Variants in IL1R1 observed in about 807,000 individuals in gnomAD.
IL1R1 encodes the protein interleukin-1 receptor type 1.
Under a neutral mutation model 50.2 loss-of-function variants are expected in IL1R1, and 22 were observed. The ratio of observed to expected loss-of-function variants is 0.44; its 90% confidence interval spans 0.31 to 0.63. IL1R1 has a LOEUF of 0.63. IL1R1 is among the 20% of genes least tolerant of loss of function. IL1R1 has a pLI of 0.07. For missense variants in IL1R1, 509 were observed against 676.2 expected (o/e 0.75, Z 2.74); for synonymous variants, 251 against 236.7 (o/e 1.06, Z -0.55).
chr2:102,141,476 A>G (rs36078571), upstream of IL1R1, among the ~76,000 whole-genome samples: 6,526 of 152,314 alleles, frequency 0.043, 175 homozygotes, highest in Middle Eastern at 0.13. Context: ...TCTCGAGGAA[A>G]AGGAACCATA....
intron 1 of IL1R1, among the ~76,000 whole-genome samples, chr2:102,124,251 A>G (rs1224648459): frequency 6.6e-6 from 1 of 151,754 alleles, no homozygotes; most frequent in African/African-American, 2.4e-5. Flanking sequence ...GTGAAACTCC[A>G]TCTCTACTAA....
At chr2:102,159,694 A>G (rs992183458) in intron 3 of IL1R1, among the ~76,000 whole-genome samples, 1 of 152,126 alleles carries the variant, frequency 6.6e-6, no homozygotes, top group African/African-American at 2.4e-5. Flanking sequence ...CCACCACCCT[A>G]TGAATGTGAC....
chr2:102,168,945 A>G (rs1685435681), intron 7 of IL1R1, among the ~76,000 whole-genome samples: 2 of 151,958 alleles, frequency 1.3e-5, no homozygotes, highest in Admixed American at 1.3e-4. Context: ...GGAACCAGCA[A>G]TGCCATTGAC....
chr2:102,176,901 T>G lies in IL1R1; in HGVS notation c.*142T>G, dbSNP rs1420712541. 4 of 802,120 alleles carry G rather than the reference T, an allele frequency of 5.0e-6. No individual in the cohort carries two copies. The highest frequency in any genetic ancestry group is 8.0e-6 in the Non-Finnish European group (4 of 501,356). The allele number at this position is 802,120 out of a possible 1,614,324, so 49.7% of individuals were successfully genotyped here. ...CCTGAGGTCACCTGGAATCAGATTA[T>G]TAAGGGAATAAGCCATGACGTCAAT... is the stretch of plus-strand genomic sequence containing the variant. On this transcript the variant is annotated 3_prime_UTR_variant, in exon 12 of 12. Coordinates refer to ENST00000410023, the MANE Select transcript of IL1R1 (RefSeq NM_000877.4).
In IL1R1 at chr2:102,107,479, C is replaced by T. The variant is rs183732237; in HGVS notation, c.-84+2607C>T. On this transcript the variant is annotated intron_variant, in intron 1 of 10. Coordinates refer to the IL1R1 transcript ENST00000409329. ...GACACAGGGTGGGGAACATCACACACCGGGGCCTGTTGTGGGGTGGGAGGA... is the reference window on the plus strand; with the variant it reads ...GACACAGGGTGGGGAACATCACACATCGGGGCCTGTTGTGGGGTGGGAGGA... 6.9e-3 allele frequency among the ~76,000 whole-genome samples: 1,043 copies of T among 151,360 alleles called. 9 individuals carry two copies. Among genetic ancestry groups the T allele is most frequent in the African/African-American group, 0.024 (970 of 41,152 alleles).
chr2:102,163,893 C>G (rs1684942253), intron 3 of IL1R1, among the ~76,000 whole-genome samples: 1 of 152,162 alleles, frequency 6.6e-6, no homozygotes, highest in Non-Finnish European at 1.5e-5. Context: ...CCTTTCGGGT[C>G]TTGCTTTTAA....
intron 1 of IL1R1, among the ~76,000 whole-genome samples, chr2:102,145,065 G>T (rs989844483): frequency 2.0e-5 from 3 of 152,210 alleles, no homozygotes; most frequent in Admixed American, 1.3e-4. Flanking sequence ...CTGGACAATT[G>T]CGGTGAAACT....
At chr2:102,097,412 C>T (rs1162555684) in intron 1 of IL1R1, among the ~76,000 whole-genome samples, 1 of 152,150 alleles carries the variant, frequency 6.6e-6, no homozygotes, top group Non-Finnish European at 1.5e-5. Context: ...TTCCTCTATT[C>T]TGTTCCTGGT....
chr2:102,162,992 C>A (rs1232706709), intron 3 of IL1R1, among the ~76,000 whole-genome samples: 4 of 151,654 alleles, frequency 2.6e-5, no homozygotes, highest in Non-Finnish European at 4.4e-5. Context: ...GTATTTTTTC[C>A]TAAATTTTAA....
chr2:102,161,669 CTTCT>C (rs1286245036), intron 3 of IL1R1, among the ~76,000 whole-genome samples: 1 of 152,024 alleles, frequency 6.6e-6, no homozygotes, highest in East Asian at 1.9e-4. Flanking sequence ...TGATTAATGA[CTTCT>C]TTATTTTTTT....
intron 1 of IL1R1, among the ~76,000 whole-genome samples, chr2:102,099,537 C>T (rs1050318282): frequency 6.6e-6 from 1 of 152,166 alleles, no homozygotes; most frequent in African/African-American, 2.4e-5. Flanking sequence ...GATATCAATC[C>T]TCTTAGTCTA....
At chr2:102,139,928 G>A (rs1345760980), upstream of IL1R1, among the ~76,000 whole-genome samples, 2 of 152,154 alleles carry the variant, frequency 1.3e-5, no homozygotes, top group African/African-American at 4.8e-5. Context: ...AACACACCAG[G>A]ATTTCTCTTA....
rs186249416 is a variant in IL1R1, at chr2:102,078,989, G to C, written c.-84+8456G>C. Among the ~76,000 whole-genome samples the C allele has an allele frequency of 4.7e-4, 72 of 152,192 alleles. 1 individual carries two copies. The highest frequency in any genetic ancestry group is 7.6e-4 in the Non-Finnish European group (52 of 67,978). On this transcript the variant is annotated intron_variant, in intron 1 of 11. Transcript: ENST00000409929. ...TATTAATAGAATAAAGGATGGAATT[G>C]CATAATCATCTCAATAGATGCAGAC...
chr2:102,177,190 G>A lies in IL1R1; in HGVS notation c.*431G>A, dbSNP rs201682443. 9.4e-5 allele frequency: 18 copies of A among 190,542 alleles called. No homozygotes were observed. The highest frequency in any genetic ancestry group is 1.6e-4 in the Non-Finnish European group (14 of 88,934). The allele number at this position is 190,542 out of a possible 1,614,324, so 11.8% of individuals were successfully genotyped here. On this transcript the variant is annotated 3_prime_UTR_variant, in exon 12 of 12. Coordinates refer to ENST00000410023, the MANE Select transcript of IL1R1 (RefSeq NM_000877.4). Reference sequence around the variant, plus strand: ...CTGAGGCAGGAGAATTGCTTGAACCGGGGAGACGGAGGTTGCAGTGAGCCG... The same window carrying A: ...CTGAGGCAGGAGAATTGCTTGAACCAGGGAGACGGAGGTTGCAGTGAGCCG...
At chr2:102,098,379 C>A (rs1679994841) in intron 1 of IL1R1, among the ~76,000 whole-genome samples, 1 of 152,028 alleles carries the variant, frequency 6.6e-6, no homozygotes, top group South Asian at 2.1e-4. Context: ...TAATGTTTTG[C>A]TGGAGTTGCT....
chr2:102,079,461 A>C (rs1679115007), intron 1 of IL1R1, among the ~76,000 whole-genome samples: 1 of 152,152 alleles, frequency 6.6e-6, no homozygotes, highest in African/African-American at 2.4e-5. Context: ...AGCAATGAAA[A>C]ATTTGAAAAT....
intron 1 of IL1R1, among the ~76,000 whole-genome samples, chr2:102,127,071 C>G (rs1681752173): frequency 6.6e-6 from 1 of 152,166 alleles, no homozygotes; most frequent in African/African-American, 2.4e-5. Flanking sequence ...GACTGGTGAT[C>G]CAGATTTCAG....
At chr2:102,157,429 G>A (rs1402230754) in intron 2 of IL1R1, among the ~76,000 whole-genome samples, 1 of 152,094 alleles carries the variant, frequency 6.6e-6, no homozygotes, top group African/African-American at 2.4e-5. Flanking sequence ...TTTAAATGGG[G>A]TCCAAGACTG....
chr2:102,140,566 G>A (rs1336300383), upstream of IL1R1, among the ~76,000 whole-genome samples: 1 of 152,216 alleles, frequency 6.6e-6, no homozygotes, highest in Admixed American at 6.5e-5. Flanking sequence ...AGCATACAAT[G>A]TCAGTGTAAG....
Sources: allele counts gnomAD v4.1 joint callset (sites outside exome capture counted in the v4.1 genomes callset), GRCh38; gene constraint gnomAD v4.1.1; transcripts MANE v1.5; gene names NCBI Gene and HGNC (gene_info 2026-07-23, HGNC 2026-07-21).